The following RNLS variants were observed in gnomAD, a reference collection of about 807,000 sequenced individuals.
RNLS encodes the protein renalase, FAD dependent amine oxidase.
In RNLS, 39 loss-of-function variants were observed where a neutral mutation model predicts 39.8. The ratio of observed to expected loss-of-function variants is 0.98; its 90% CI spans 0.76 to 1.28. RNLS has a LOEUF of 1.28. Among genes scored for constraint, RNLS ranks in the 50% most tolerant of loss-of-function variants. The probability of loss-of-function intolerance (pLI) is 0.00; values close to 1 mark genes in which losing one functional copy is unlikely to be tolerated. For missense variants in RNLS, 410 were observed against 413.3 expected (o/e 0.99, Z 0.07); for synonymous variants, 147 against 150.7 (o/e 0.98, Z 0.18).
At chr10:88,566,998 A>G (rs1447096605) in intron 4 of RNLS, among the ~76,000 whole-genome samples, 1 of 152,124 alleles carries the variant, frequency 6.6e-6, no homozygotes, top group East Asian at 1.9e-4. Flanking sequence ...GTTTAGAGGA[A>G]AAAGCATACA....
the RNLS span, among the ~76,000 whole-genome samples, chr10:88,267,855 C>T: frequency 6.6e-6 from 1 of 152,118 alleles, no homozygotes; most frequent in Non-Finnish European, 1.5e-5. Flanking sequence ...TCTTAAAGGT[C>T]TCAGAGGCCA....
the RNLS span, among the ~76,000 whole-genome samples, chr10:88,257,029 T>C: frequency 7.0e-6 from 1 of 143,784 alleles, no homozygotes; most frequent in East Asian, 2.0e-4. Flanking sequence ...CTAGTGACCT[T>C]TGGTGTGTTG....
At chr10:88,533,966 A>G (rs189232620) in intron 4 of RNLS, among the ~76,000 whole-genome samples, 1 of 152,254 alleles carries the variant, frequency 6.6e-6, no homozygotes, top group Admixed American at 6.6e-5. Flanking sequence ...AAGCCTTGAA[A>G]ATTGCCTATA....
chr10:88,547,469 G>T (rs975382021), intron 4 of RNLS, among the ~76,000 whole-genome samples: 1 of 152,188 alleles, frequency 6.6e-6, no homozygotes, highest in African/African-American at 2.4e-5. Flanking sequence ...AGATAAAATA[G>T]ACTATATCTG....
At chr10:88,386,317 T>G (rs1017562104) in intron 4 of RNLS, among the ~76,000 whole-genome samples, 2 of 152,146 alleles carry the variant, frequency 1.3e-5, no homozygotes, top group African/African-American at 4.8e-5. Context: ...TTCCTTGATA[T>G]AAAACGAGTT....
At chr10:88,249,845 G>A in the RNLS span, among the ~76,000 whole-genome samples, 81 of 152,252 alleles carry the variant, frequency 5.3e-4, 1 homozygote, top group East Asian at 6.2e-3. Flanking sequence ...TGTAAGTTGC[G>A]ATAGTCCCAA....
chr10:88,316,967 G>C (rs185158787), intron 5 of RNLS, among the ~76,000 whole-genome samples: 9 of 152,118 alleles, frequency 5.9e-5, no homozygotes, highest in Non-Finnish European at 8.8e-5. Context: ...ATCAAAGTTT[G>C]AAAATAGAGC....
At chr10:88,481,958 A>G (rs940226666) in intron 4 of RNLS, among the ~76,000 whole-genome samples, 1 of 152,110 alleles carries the variant, frequency 6.6e-6, no homozygotes, top group African/African-American at 2.4e-5. Flanking sequence ...GTTTTAATGA[A>G]TATAGAATTC....
At chr10:88,535,432 TG>T (rs1847691725) in intron 4 of RNLS, among the ~76,000 whole-genome samples, 1 of 137,776 alleles carries the variant, frequency 7.3e-6, no homozygotes, top group Non-Finnish European at 1.6e-5. Flanking sequence ...AGCCAGGTAG[TG>T]GGGGAGGGGT....
At chr10:88,439,647 C>G (rs1415213355) in intron 4 of RNLS, among the ~76,000 whole-genome samples, 1 of 152,102 alleles carries the variant, frequency 6.6e-6, no homozygotes, top group East Asian at 1.9e-4. Flanking sequence ...TTGGAAGATC[C>G]CTTACAGGTG....
intron 3 of RNLS, among the ~76,000 whole-genome samples, chr10:88,574,111 A>T (rs1400912976): frequency 6.6e-6 from 1 of 152,200 alleles, no homozygotes; most frequent in Non-Finnish European, 1.5e-5. Flanking sequence ...ACTACCCTCC[A>T]GCCTAGGCAA....
intron 4 of RNLS, among the ~76,000 whole-genome samples, chr10:88,510,180 T>G (rs1274341516): frequency 6.6e-6 from 1 of 152,050 alleles, no homozygotes; most frequent in African/African-American, 2.4e-5. Context: ...CCCAATAGAA[T>G]AGCACGGTGT....
intron 5 of RNLS, 94 bp downstream of exon 5, chr10:88,362,458 C>T (rs111939909): frequency 2.6e-6 from 3 of 1,155,192 alleles, no homozygotes; most frequent in Non-Finnish European, 3.6e-6. Context: ...AATGCTTGCT[C>T]TGTTCAGAAT....
At chr10:88,414,782 T>C (rs1468578834) in intron 4 of RNLS, among the ~76,000 whole-genome samples, 1 of 152,214 alleles carries the variant, frequency 6.6e-6, no homozygotes, top group Non-Finnish European at 1.5e-5. Flanking sequence ...TTAACCAAAA[T>C]TGTTTTTTAA....
chr10:88,431,834 G>C (rs1397665831), intron 4 of RNLS, among the ~76,000 whole-genome samples: 1 of 151,672 alleles, frequency 6.6e-6, no homozygotes, highest in African/African-American at 2.4e-5. Context: ...AACATACTTT[G>C]TATTACTTGA....
chr10:88,306,582 A>G (rs1368850640), intron 6 of RNLS, among the ~76,000 whole-genome samples: 3 of 152,230 alleles, frequency 2.0e-5, no homozygotes, highest in Non-Finnish European at 4.4e-5. Flanking sequence ...AATATACAAT[A>G]AATGAATATA....
At chr10:88,227,917 A>G in the RNLS span, among the ~76,000 whole-genome samples, 1 of 152,076 alleles carries the variant, frequency 6.6e-6, no homozygotes, top group Admixed American at 6.5e-5. Flanking sequence ...TTGTCTCAGA[A>G]GTCTAGTACG....
intron 4 of RNLS, among the ~76,000 whole-genome samples, chr10:88,412,537 TAGA>T (rs1279249344): frequency 6.6e-6 from 1 of 152,052 alleles, no homozygotes; most frequent in Non-Finnish European, 1.5e-5. Flanking sequence ...TTAATAAAGT[TAGA>T]ACAATCAATA....
intron 5 of RNLS, among the ~76,000 whole-genome samples, chr10:88,357,556 C>T (rs1849285027): frequency 6.6e-6 from 1 of 152,198 alleles, no homozygotes; most frequent in African/African-American, 2.4e-5. Context: ...ATCATTCACA[C>T]AGGTATAATC....
Sources: gnomAD v4.1 joint callset for allele counts (sites outside exome capture counted in the v4.1 genomes callset) on GRCh38, gnomAD v4.1.1 for gene constraint, MANE v1.5 for transcripts, NCBI Gene and HGNC (gene_info 2026-07-23, HGNC 2026-07-21) for gene names.